ABCA13: variants seen among roughly 807,000 people sequenced by gnomAD.
ABCA13 encodes ATP-binding cassette sub-family A member 13.
In ABCA13, 476 loss-of-function variants were observed where a neutral mutation model predicts 478.7. That is an observed-to-expected ratio of 0.99 (90% CI 0.92 to 1.07). The LOEUF (loss-of-function observed/expected upper bound fraction) is 1.07, where lower values mean the gene tolerates loss of function less well. ABCA13 is among the 50% of genes least tolerant of loss of function. ABCA13 has a pLI of 0.00. For synonymous variants in ABCA13, 2,252 were observed against 2,158.9 expected, an observed-to-expected ratio of 1.04 and a Z score of -1.20; for missense variants, 6,060 against 5,910.6, an observed-to-expected ratio of 1.03 and a Z score of -0.83.
At chr7:48,172,486 T>C (rs1191264055) in intron 1 of ABCA13, among the ~76,000 whole-genome samples, 2 of 152,066 alleles carry the variant, frequency 1.3e-5, no homozygotes, top group Non-Finnish European at 2.9e-5. Context: ...ATAATTTCAG[T>C]TGAAAGTTTG....
chr7:48,603,562 C>T (rs1791138324), intron 58 of ABCA13, among the ~76,000 whole-genome samples: 1 of 152,204 alleles, frequency 6.6e-6, no homozygotes, highest in South Asian at 2.1e-4. Flanking sequence ...ACCAGCCTTG[C>T]ATCCCAGGGA....
At chr7:48,603,692 T>C (rs148392157) in intron 58 of ABCA13, 177 of 195,610 alleles carry the variant, frequency 9.0e-4, no homozygotes, top group African/African-American at 4.1e-3. Flanking sequence ...AAAATTTTCT[T>C]TTTTTGTTCT....
intron 1 of ABCA13, among the ~76,000 whole-genome samples, chr7:48,188,865 G>C (rs1274190379): frequency 6.6e-6 from 1 of 152,188 alleles, no homozygotes; most frequent in African/African-American, 2.4e-5. Context: ...GTGGAACAGG[G>C]ATCTGGGCAT....
intron 35 of ABCA13, among the ~76,000 whole-genome samples, chr7:48,385,116 C>A (rs148440237): frequency 2.3e-4 from 35 of 152,316 alleles, no homozygotes; most frequent in African/African-American, 8.4e-4. Flanking sequence ...AGCAGCTGAA[C>A]AGCTTCCCTT....
chr7:48,228,739 A>T (rs1277618043), intron 6 of ABCA13, among the ~76,000 whole-genome samples: 1 of 152,202 alleles, frequency 6.6e-6, no homozygotes, highest in Non-Finnish European at 1.5e-5. Flanking sequence ...GGAAAATGGA[A>T]CGTATTTTGA....
chr7:48,488,110 T>C (rs1179055854), intron 47 of ABCA13, among the ~76,000 whole-genome samples: 1 of 152,114 alleles, frequency 6.6e-6, no homozygotes, highest in Non-Finnish European at 1.5e-5. Flanking sequence ...CAAGGATTTC[T>C]CTGTGAACTT....
intron 48 of ABCA13, among the ~76,000 whole-genome samples, chr7:48,505,377 G>A (rs916271626): frequency 6.6e-6 from 1 of 152,152 alleles, no homozygotes; most frequent in African/African-American, 2.4e-5. Context: ...TGATGTTTCA[G>A]TAAGGATTTA....
chr7:48,408,051 C>T (rs897779672), intron 39 of ABCA13, among the ~76,000 whole-genome samples: 11 of 152,134 alleles, frequency 7.2e-5, no homozygotes, highest in African/African-American at 2.7e-4. Context: ...TTTACATGTG[C>T]ATCACCTCAC....
intron 47 of ABCA13, 61 bp from the exon 48 acceptor site, chr7:48,489,175 T>C (rs1829617550): frequency 2.2e-6 from 3 of 1,376,646 alleles, no homozygotes; most frequent in South Asian, 1.3e-5. Flanking sequence ...CCCAGAATAG[T>C]TGACAAACAG....
chr7:48,549,434 A>G (rs1158102012), intron 55 of ABCA13, among the ~76,000 whole-genome samples: 1 of 151,878 alleles, frequency 6.6e-6, no homozygotes. Context: ...CATGGAGTAC[A>G]TGTACCACAT....
intron 38 of ABCA13, among the ~76,000 whole-genome samples, chr7:48,393,174 T>C (rs764248541): frequency 6.6e-6 from 1 of 152,056 alleles, no homozygotes; most frequent in Non-Finnish European, 1.5e-5. Flanking sequence ...GAAGCATGGA[T>C]TGGAGGGGAA....
chr7:48,227,547 G>A, intron 6 of ABCA13, 122 bp downstream of exon 6: 1 of 1,174,926 alleles, frequency 8.5e-7, no homozygotes, highest in Non-Finnish European at 1.2e-6. Context: ...ATGTTACCTT[G>A]AAACAAGAGG....
chr7:48,619,707 C>T (rs1163949938), intron 59 of ABCA13, among the ~76,000 whole-genome samples: 1 of 152,080 alleles, frequency 6.6e-6, no homozygotes, highest in Non-Finnish European at 1.5e-5. Context: ...GCCTCCAAAC[C>T]CAGGAAAAGC....
chr7:48,235,739 C>A (rs1364574191), intron 8 of ABCA13, among the ~76,000 whole-genome samples: 1 of 152,062 alleles, frequency 6.6e-6, no homozygotes, highest in Non-Finnish European at 1.5e-5. Flanking sequence ...CATGAATTAA[C>A]CTGATAAAAG....
At chr7:48,462,912 A>G (rs1004574973) in intron 43 of ABCA13, among the ~76,000 whole-genome samples, 3 of 152,212 alleles carry the variant, frequency 2.0e-5, no homozygotes, top group Middle Eastern at 6.8e-3. Context: ...GGGTCTTCCA[A>G]ATCCATCTTT....
At chr7:48,604,860 A>G (rs1266094391) in intron 58 of ABCA13, among the ~76,000 whole-genome samples, 1 of 152,138 alleles carries the variant, frequency 6.6e-6, no homozygotes, top group African/African-American at 2.4e-5. Flanking sequence ...GTGTGGGAGT[A>G]TAAATCTCTT....
intron 42 of ABCA13, among the ~76,000 whole-genome samples, chr7:48,434,277 C>T (rs1822532749): frequency 6.6e-6 from 1 of 151,932 alleles, no homozygotes. Context: ...TGTTAAGCAC[C>T]TTTTCATGTG....
chr7:48,330,878 A>G (rs997869803), intron 27 of ABCA13, among the ~76,000 whole-genome samples: 9 of 152,170 alleles, frequency 5.9e-5, no homozygotes, highest in Middle Eastern at 3.2e-3. Context: ...TATGAAGTGC[A>G]TTGAGGGGAA....
At chr7:48,220,440 G>GTATATAGCTCCAACTATAATT (rs1358977496) in intron 4 of ABCA13, among the ~76,000 whole-genome samples, 2 of 152,204 alleles carry the variant, frequency 1.3e-5, no homozygotes, top group Non-Finnish European at 2.9e-5. Flanking sequence ...ATAATCCTAA[G>GTATATAGCTCCAACTATAATT]TATATAGCTC....
Sources: gnomAD v4.1 joint callset for allele counts (sites outside exome capture counted in the v4.1 genomes callset) on GRCh38, gnomAD v4.1.1 for gene constraint, MANE v1.5 for transcripts, NCBI Gene and HGNC (gene_info 2026-07-23, HGNC 2026-07-21) for gene names.